Variants in TMC1 observed in about 807,000 individuals in gnomAD.
The protein encoded by TMC1 is transmembrane channel-like protein 1.
TMC1 carries 84 observed loss-of-function variants against 105.8 expected under a neutral mutation model. The observed-to-expected ratio is 0.79, with a 90% CI of 0.67 to 0.95. TMC1 has a LOEUF of 0.95. Among genes scored for constraint, TMC1 ranks in the 40% least tolerant of loss-of-function variants. TMC1 has a pLI of 0.00. For synonymous variants in TMC1, 315 were observed against 311.5 expected (o/e 1.01, Z -0.12); for missense variants, 817 against 914.1 (o/e 0.89, Z 1.37).
At chr9:72,625,545 G>A (rs1376415942) in intron 3 of TMC1, among the ~76,000 whole-genome samples, 1 of 151,946 alleles carries the variant, frequency 6.6e-6, no homozygotes, top group Non-Finnish European at 1.5e-5. Context: ...AAAATTAGCC[G>A]GGCGTGGTGG....
intron 5 of TMC1, among the ~76,000 whole-genome samples, chr9:72,656,608 T>A (rs1052668532): frequency 9.9e-5 from 15 of 152,216 alleles, no homozygotes; most frequent in African/African-American, 3.6e-4. Flanking sequence ...ATTGATTGAT[T>A]TGATTACTAT....
chr9:72,773,631 G>A (rs147507442), intron 13 of TMC1, among the ~76,000 whole-genome samples: 25 of 152,204 alleles, frequency 1.6e-4, no homozygotes, highest in Non-Finnish European at 2.8e-4. Flanking sequence ...TCCAAAAATC[G>A]AAGATATTTT....
chr9:72,662,347 C>A (rs1377282608), intron 5 of TMC1, among the ~76,000 whole-genome samples: 1 of 150,036 alleles, frequency 6.7e-6, no homozygotes, highest in East Asian at 1.9e-4. Context: ...CCACCACACT[C>A]AGCAATTTTT....
chr9:72,613,568 C>A (rs957985803), intron 2 of TMC1, among the ~76,000 whole-genome samples: 3 of 152,128 alleles, frequency 2.0e-5, no homozygotes, highest in Admixed American at 6.6e-5. Flanking sequence ...CAAAACCTAT[C>A]TCTTCTTGGA....
intron 8 of TMC1, among the ~76,000 whole-genome samples, chr9:72,723,431 G>C (rs547341965): frequency 1.3e-5 from 2 of 152,194 alleles, no homozygotes; most frequent in South Asian, 4.1e-4. Flanking sequence ...ACAATTGCCT[G>C]CTTCATCATT....
At chr9:72,705,162 A>G (rs1826716842) in intron 8 of TMC1, among the ~76,000 whole-genome samples, 1 of 152,138 alleles carries the variant, frequency 6.6e-6, no homozygotes, top group African/African-American at 2.4e-5. Context: ...AGCAGCCACC[A>G]CAAGTGAAAT....
At chr9:72,732,007 A>T (rs186933214) in intron 8 of TMC1, among the ~76,000 whole-genome samples, 1 of 152,348 alleles carries the variant, frequency 6.6e-6, no homozygotes. Context: ...ACAGAAAAGC[A>T]TAGGACCACA....
chr9:72,561,645 C>T lies in TMC1; in HGVS notation c.-427-16257C>T, dbSNP rs138347515. On this transcript the variant is annotated intron_variant, in intron 1 of 23. Coordinates refer to ENST00000297784, the MANE Select transcript of TMC1 (RefSeq NM_138691.3). ...CCTTGTGAAGTAGATTCTGTCCCAT[C>T]TTAGAGCAAGTTGGTCTGAGGATCC... is the stretch of plus-strand genomic sequence containing the variant. Among the ~76,000 whole-genome samples, 247 of 152,320 alleles carry T rather than the reference C, an allele frequency of 1.6e-3. 1 individual carries two copies. The highest frequency in any genetic ancestry group is 5.7e-3 in the African/African-American group (236 of 41,576).
In TMC1 at chr9:72,771,364, A is replaced by G. The variant is rs569156509; in HGVS notation, c.742-1049A>G. 7.7e-4 allele frequency among the ~76,000 whole-genome samples: 117 copies of G among 152,336 alleles called. 1 individual carries two copies. Among genetic ancestry groups the G allele is most frequent in the Admixed American group, 1.9e-3 (29 of 15,300 alleles). On this transcript the variant is annotated intron_variant, in intron 12 of 23. Transcript: ENST00000297784. ...GGCAATTTTCTAAATTACTTCTCTT[A>G]ATTCTTCCTCTAGGAATTAGCATCT... is the stretch of plus-strand genomic sequence containing the variant.
chr9:72,595,309 C>G (rs954484076), intron 2 of TMC1, among the ~76,000 whole-genome samples: 1 of 152,168 alleles, frequency 6.6e-6, no homozygotes, highest in Non-Finnish European at 1.5e-5. Context: ...TCATAGACCC[C>G]GACCAGCCTA....
At chr9:72,806,204 C>T (rs1478207006) in intron 18 of TMC1, among the ~76,000 whole-genome samples, 12 of 130,616 alleles carry the variant, frequency 9.2e-5, no homozygotes, top group East Asian at 4.1e-4. Flanking sequence ...CCGGACGGGG[C>T]GGCTGGCCGG....
rs546601194 is a variant in TMC1 at position 72,625,148 on chromosome 9, T to C, written c.-195-2773T>C. Among the ~76,000 whole-genome samples the C allele has an allele frequency of 3.8e-4, 58 of 152,326 alleles. 1 individual carries two copies. The highest frequency in any genetic ancestry group is 1.3e-3 in the African/African-American group (53 of 41,582). ...TGATGAATAGAATGCAGGAATGTGA[T>C]GTCCAAGGCTAGTTTAGAAAAGACC... is the stretch of plus-strand genomic sequence containing the variant. On this transcript the variant is annotated intron_variant, in intron 3 of 23. Transcript: ENST00000297784.
chr9:72,736,506 C>G (rs747082675), intron 8 of TMC1, among the ~76,000 whole-genome samples: 3 of 152,144 alleles, frequency 2.0e-5, no homozygotes, highest in African/African-American at 7.2e-5. Flanking sequence ...GACCACTTAT[C>G]TAGAAAGTGA....
chr9:72,557,775 G>A (rs1445462592), intron 1 of TMC1, among the ~76,000 whole-genome samples: 2 of 152,168 alleles, frequency 1.3e-5, no homozygotes, highest in Non-Finnish European at 2.9e-5. Flanking sequence ...TCATTTGCCT[G>A]TGGCATTGAT....
intron 1 of TMC1, among the ~76,000 whole-genome samples, chr9:72,524,501 T>A (rs1587936934): frequency 6.6e-6 from 1 of 152,204 alleles, no homozygotes; most frequent in Non-Finnish European, 1.5e-5. Flanking sequence ...CATGATAAAC[T>A]TCTCAAGGAT....
chr9:72,748,682 C>A, intron 10 of TMC1, among the ~76,000 whole-genome samples: 2 of 152,194 alleles, frequency 1.3e-5, no homozygotes, highest in Non-Finnish European at 2.9e-5. Context: ...TAGGATAGAA[C>A]CACTAGATAA....
At chr9:72,639,720 G>A (rs898247430) in intron 4 of TMC1, among the ~76,000 whole-genome samples, 1 of 152,116 alleles carries the variant, frequency 6.6e-6, no homozygotes, top group Admixed American at 6.5e-5. Flanking sequence ...TACATTAAAG[G>A]AACTCTAACA....
chr9:72,777,114 C>T (rs907406114), intron 13 of TMC1, among the ~76,000 whole-genome samples: 3 of 152,048 alleles, frequency 2.0e-5, no homozygotes, highest in Admixed American at 6.6e-5. Flanking sequence ...TCTAAATCAA[C>T]GAGACTTTAT....
At chr9:72,672,761 C>T (rs778403945) in intron 5 of TMC1, among the ~76,000 whole-genome samples, 84 of 151,796 alleles carry the variant, frequency 5.5e-4, no homozygotes, top group Non-Finnish European at 5.3e-4. Flanking sequence ...GCTTGGGGCT[C>T]ATGCCTGTAA....
Sources: allele counts gnomAD v4.1 joint callset (sites outside exome capture counted in the v4.1 genomes callset), GRCh38; gene constraint gnomAD v4.1.1; transcripts MANE v1.5; gene names NCBI Gene and HGNC (gene_info 2026-07-23, HGNC 2026-07-21).